SERPINI2: variants seen among roughly 807,000 people sequenced by gnomAD.
The protein encoded by SERPINI2 is serpin family I member 2, also known as serpin I2.
In SERPINI2, 48 loss-of-function variants were observed where a neutral mutation model predicts 47.3. That is an observed-to-expected ratio of 1.02 (90% CI 0.81 to 1.29). The LOEUF is 1.29. Among genes scored for constraint, SERPINI2 ranks in the 50% most tolerant of loss-of-function variants. The pLI is 0.00. For missense variants in SERPINI2, 448 were observed against 456.9 expected, an observed-to-expected ratio of 0.98 and a Z score of 0.18; for synonymous variants, 135 against 149.3, an observed-to-expected ratio of 0.90 and a Z score of 0.70.
rs74317079 is a variant in SERPINI2, at chr3:167,445,331, T to C, written c.1141+1061A>G. Among the ~76,000 whole-genome samples the C allele has an allele frequency of 3.4e-4, 52 of 152,332 alleles. No individual in the cohort carries two copies. The East Asian group carries it at 0.01, about 29-fold the overall frequency. ...ACTTTTTCACTTGCCTTTCTTCTTT[T>C]ATTCACTCCCTCATTCATATTTATT... On this transcript the variant is annotated intron_variant, in intron 8 of 8. Transcript: ENST00000264677.
intron 7 of SERPINI2, chr3:167,446,713 C>A: frequency 3.7e-6 from 1 of 269,502 alleles, no homozygotes; most frequent in Non-Finnish European, 6.9e-6. Flanking sequence ...TATGTATGCT[C>A]AATGAAGAAG....
chr3:167,464,008 G>GATTTTT (rs1750059711), intron 5 of SERPINI2, among the ~76,000 whole-genome samples: 1 of 115,378 alleles, frequency 8.7e-6, no homozygotes, highest in Non-Finnish European at 1.9e-5. Context: ...AACAGGAGTG[G>GATTTTT]CTTTTTTTTT....
exon 1 of SERPINI2, chr3:167,474,033 T>A: frequency 9.2e-7 from 1 of 1,086,136 alleles, no homozygotes; most frequent in South Asian, 4.4e-5. Context: ...TTCACTGGAA[T>A]GTTACAACTA....
At chr3:167,441,976 A>G in exon 9 of SERPINI2, 1 of 579,882 alleles carries the variant, frequency 1.7e-6, no homozygotes, top group Non-Finnish European at 2.8e-6. Flanking sequence ...ATCAAGACAG[A>G]TATCTATTAC....
At chr3:167,467,149 C>T (rs190236142) in exon 3 of SERPINI2, 2 of 1,613,444 alleles carry the variant, frequency 1.2e-6, no homozygotes, top group Admixed American at 1.7e-5. Flanking sequence ...GAAAAAATTC[C>T]TTGTTGCCAT....
intron 2 of SERPINI2, among the ~76,000 whole-genome samples, chr3:167,471,050 T>C (rs941326058): frequency 6.6e-6 from 1 of 152,190 alleles, no homozygotes; most frequent in African/African-American, 2.4e-5. Flanking sequence ...ATGTTTTTTC[T>C]TGGTCTCGTT....
intron 2 of SERPINI2, 100 bp from the exon 3 acceptor site, chr3:167,467,385 T>C (rs757403654): frequency 7.9e-6 from 6 of 763,098 alleles, no homozygotes; most frequent in Non-Finnish European, 1.0e-5. Flanking sequence ...TCACCGTTTT[T>C]TGCACCCTTA....
At chr3:167,461,086 A>G (rs533547255) in intron 5 of SERPINI2, among the ~76,000 whole-genome samples, 39 of 152,342 alleles carry the variant, frequency 2.6e-4, no homozygotes, top group South Asian at 1.4e-3. Context: ...TTTGAGTGCA[A>G]TAACTTCAAG....
intron 8 of SERPINI2, 71 bp downstream of exon 8, chr3:167,446,321 T>C (rs2108150389): frequency 3.1e-6 from 3 of 970,282 alleles, no homozygotes; most frequent in South Asian, 1.5e-5. Flanking sequence ...GATATGTACA[T>C]TGCAATTAGA....
intron 7 of SERPINI2, among the ~76,000 whole-genome samples, chr3:167,448,812 G>A (rs1011274440): frequency 3.3e-5 from 5 of 151,928 alleles, no homozygotes; most frequent in East Asian, 2.0e-4. Flanking sequence ...GTGAGCCACC[G>A]CGCCCGGTTG....
At chr3:167,464,147 G>A (rs1051684832) in intron 5 of SERPINI2, among the ~76,000 whole-genome samples, 12 of 151,556 alleles carry the variant, frequency 7.9e-5, no homozygotes, top group Non-Finnish European at 1.3e-4. Flanking sequence ...CCAAGTAGCT[G>A]GGATTACAGG....
chr3:167,470,220 G>A (rs1301325488), intron 2 of SERPINI2, among the ~76,000 whole-genome samples: 1 of 152,048 alleles, frequency 6.6e-6, no homozygotes, highest in Non-Finnish European at 1.5e-5. Context: ...GACTAAATCT[G>A]GAATACATTG....
chr3:167,455,805 A>C (rs1282180462), intron 5 of SERPINI2, among the ~76,000 whole-genome samples: 1 of 152,110 alleles, frequency 6.6e-6, no homozygotes, highest in Non-Finnish European at 1.5e-5. Flanking sequence ...CATGGCTGGA[A>C]TAGGAGGAAG....
chr3:167,444,324 A>G (rs996290422), intron 8 of SERPINI2, among the ~76,000 whole-genome samples: 1 of 152,154 alleles, frequency 6.6e-6, no homozygotes, highest in Non-Finnish European at 1.5e-5. Flanking sequence ...AATATACTGC[A>G]ATATAAAATT....
chr3:167,471,804 A>G, exon 2 of SERPINI2: 1 of 1,612,146 alleles, frequency 6.2e-7, no homozygotes, highest in Non-Finnish European at 8.5e-7. Context: ...AAAAACAGCA[A>G]TAGAAGACTC....
At chr3:167,457,626 A>C (rs1347274258) in intron 5 of SERPINI2, among the ~76,000 whole-genome samples, 1 of 152,250 alleles carries the variant, frequency 6.6e-6, no homozygotes, top group African/African-American at 2.4e-5. Context: ...AGTTTAAAGC[A>C]ACAAATCCTC....
chr3:167,456,150 CTGTGTGTGTGTGTGTGTG>C lies in SERPINI2; in HGVS notation c.867-3135_867-3118del, dbSNP rs68048909. 3.5e-5 allele frequency among the ~76,000 whole-genome samples: 5 copies of C among 144,406 alleles called. No homozygotes were observed. The East Asian group carries it at 6.2e-4, about 18-fold the overall frequency. The allele number at this position is 144,406 out of a possible 152,430, so 94.7% of individuals were successfully genotyped here. A position where few individuals can be genotyped will look rare whatever the true frequency, so the allele number is the denominator to read the frequency against. On this transcript the variant is annotated intron_variant, in intron 5 of 8. Coordinates refer to ENST00000264677, the Ensembl canonical transcript of SERPINI2. ...CTGGTCACTTTCCAATCAATTACCTCTGTGTGTGTGTGTGTGTGTGTGTGTGTGTGTGTGTGTGTAAAA... is the reference window on the plus strand; with the variant it reads ...CTGGTCACTTTCCAATCAATTACCTCTGTGTGTGTGTGTGTGTGTGTAAAA...
intron 3 of SERPINI2, 36 bp from the exon 4 acceptor site, chr3:167,465,709 G>A (rs1750114535): frequency 1.9e-6 from 3 of 1,541,352 alleles, no homozygotes; most frequent in East Asian, 4.5e-5. Flanking sequence ...AAGAAGAAAT[G>A]TGCAATAGTG....
At position 167,460,460 on chromosome 3, in the gene SERPINI2, T is replaced by G. The variant is rs934648710; in HGVS notation, c.866+4746A>C. Reference sequence around the variant, plus strand: ...TCAGGAAACTTAATTCATAAACAGGTTCTGATAAGTTAAAATTGTTAATGA... The same window carrying G: ...TCAGGAAACTTAATTCATAAACAGGGTCTGATAAGTTAAAATTGTTAATGA... On this transcript the variant is annotated intron_variant, in intron 5 of 8. Transcript: ENST00000264677. Among the ~76,000 whole-genome samples the G allele has an allele frequency of 9.9e-5, 15 of 152,208 alleles. 1 individual carries two copies. Among genetic ancestry groups the G allele is most frequent in the African/African-American group, 2.4e-4 (10 of 41,466 alleles).
Sources: allele counts gnomAD v4.1 joint callset (sites outside exome capture counted in the v4.1 genomes callset), GRCh38; gene constraint gnomAD v4.1.1; transcripts MANE v1.5; gene names NCBI Gene and HGNC (gene_info 2026-07-23, HGNC 2026-07-21).